Variants in PDS5B observed in about 807,000 individuals in gnomAD.
PDS5B encodes sister chromatid cohesion protein PDS5 homolog B.
Under a neutral mutation model 184.1 loss-of-function variants are expected in PDS5B, and 51 were observed. The ratio of observed to expected loss-of-function variants is 0.28; its 90% confidence interval spans 0.22 to 0.35. PDS5B has a LOEUF of 0.35. Among genes scored for constraint, PDS5B ranks in the 10% least tolerant of loss-of-function variants. PDS5B has a pLI of 1.00. For missense variants in PDS5B, 1,180 were observed against 1,723.3 expected (o/e 0.68, Z 5.58); for synonymous variants, 566 against 569.2 (o/e 0.99, Z 0.08).
chr13:32,648,779 C>G lies in PDS5B; in HGVS notation c.7C>G (p.His3Asp). The change falls in exon 2 of 35, where the codon CAT becomes GAT. Residue 3 changes from histidine to aspartate, a missense_variant. Transcript: ENST00000315596. Reference protein sequence around the residue: MAHSKTRTNDGKI... With the variant: MADSKTRTNDGKI... ...GGGTAGAAATATTTCTGTCATGGCTCATTCAAAGACTAGGACCAATGATGG... is the reference window on the plus strand; with the variant it reads ...GGGTAGAAATATTTCTGTCATGGCTGATTCAAAGACTAGGACCAATGATGG... 1 of 1,445,716 alleles carries G rather than the reference C, an allele frequency of 6.9e-7. No homozygotes were observed. Among genetic ancestry groups the G allele is most frequent in the South Asian group, 1.1e-5 (1 of 87,466 alleles). 89.6% of individuals were successfully genotyped at this position (1,445,716 alleles called of 1,614,324 possible). A position where few individuals can be genotyped will look rare whatever the true frequency, so the allele number is the denominator to read the frequency against.
chr13:32,617,311 T>C (rs2058234082), intron 1 of PDS5B, among the ~76,000 whole-genome samples: 1 of 152,226 alleles, frequency 6.6e-6, no homozygotes, highest in Non-Finnish European at 1.5e-5. Context: ...TAAATTTTAT[T>C]GTAGTTACAT....
intron 11 of PDS5B, among the ~76,000 whole-genome samples, chr13:32,685,229 A>C (rs571144601): frequency 2.6e-5 from 4 of 152,336 alleles, no homozygotes; most frequent in Non-Finnish European, 5.9e-5. Flanking sequence ...TTCCCTTCAA[A>C]TCTATAGGTA....
intron 18 of PDS5B, among the ~76,000 whole-genome samples, chr13:32,707,371 TTC>T (rs1952058875): frequency 6.6e-6 from 1 of 152,048 alleles, no homozygotes. Context: ...TCATAAAATA[TTC>T]TGTCTTTTAC....
chr13:32,742,853 AT>A, intron 23 of PDS5B, 126 bp downstream of exon 23: 1 of 823,282 alleles, frequency 1.2e-6, no homozygotes, highest in Non-Finnish European at 1.9e-6. Flanking sequence ...ATGTGCATAT[AT>A]TTTTACTGGA....
chr13:32,646,507 T>TA (rs1448827051), intron 1 of PDS5B, among the ~76,000 whole-genome samples: 1 of 151,876 alleles, frequency 6.6e-6, no homozygotes, highest in Non-Finnish European at 1.5e-5. Context: ...TTATATGTCT[T>TA]ACGGTGGACA....
intron 1 of PDS5B, among the ~76,000 whole-genome samples, chr13:32,610,562 G>C (rs1336658211): frequency 2.6e-5 from 4 of 151,540 alleles, no homozygotes; most frequent in Non-Finnish European, 5.9e-5. Flanking sequence ...GGATAGAGTT[G>C]CTTAAAAGTT....
Position 32,740,748 on chromosome 13 carries a change from A to T in PDS5B, c.2407-332A>T, listed in dbSNP as rs183358619. Among the ~76,000 whole-genome samples the T allele has an allele frequency of 8.3e-3, 1,257 of 151,796 alleles. 18 individuals carry two copies. The highest frequency in any genetic ancestry group is 0.029 in the African/African-American group (1,186 of 41,336). ...ACACCTTTTGGCTCCATGTTTTTTT[A>T]AAATCCTAGTTCTTGCATTAAATAA... On this transcript the variant is annotated intron_variant, in intron 21 of 34. Coordinates refer to ENST00000315596, the MANE Select transcript of PDS5B (RefSeq NM_015032.4).
At chr13:32,593,246 C>T (rs113934715) in intron 1 of PDS5B, among the ~76,000 whole-genome samples, 44 of 152,146 alleles carry the variant, frequency 2.9e-4, no homozygotes, top group African/African-American at 9.2e-4. Flanking sequence ...TACAGCTGAC[C>T]CTTGAACAGC....
chr13:32,587,765 A>G (rs1234408927), intron 1 of PDS5B, among the ~76,000 whole-genome samples: 1 of 152,230 alleles, frequency 6.6e-6, no homozygotes, highest in Non-Finnish European at 1.5e-5. Flanking sequence ...TGCTTCTCGT[A>G]CTTTTAATAA....
At chr13:32,617,292 G>A (rs2058233938) in intron 1 of PDS5B, among the ~76,000 whole-genome samples, 1 of 152,178 alleles carries the variant, frequency 6.6e-6, no homozygotes, top group Non-Finnish European at 1.5e-5. Flanking sequence ...TTGCTTGTTA[G>A]TACTTCCCTA....
intron 3 of PDS5B, among the ~76,000 whole-genome samples, chr13:32,655,368 A>ATTTTTTTT (rs368287046): frequency 7.4e-5 from 2 of 27,192 alleles, no homozygotes; most frequent in African/African-American, 3.3e-4. Context: ...CCATATATAT[A>ATTTTTTTT]TATATATTTT....
chr13:32,747,682 A>G (rs974923058), intron 24 of PDS5B, among the ~76,000 whole-genome samples: 1 of 152,154 alleles, frequency 6.6e-6, no homozygotes, highest in African/African-American at 2.4e-5. Context: ...GAAACTGAAA[A>G]TTGTTTAAAA....
chr13:32,678,994 A>G, intron 10 of PDS5B, 65 bp downstream of exon 10: 1 of 858,262 alleles, frequency 1.2e-6, no homozygotes, highest in South Asian at 1.6e-5. Context: ...TAAGTTTCAT[A>G]GGGGGAAAAA....
intron 1 of PDS5B, among the ~76,000 whole-genome samples, chr13:32,610,808 T>G (rs1172261140): frequency 1.3e-5 from 2 of 152,160 alleles, no homozygotes; most frequent in Non-Finnish European, 2.9e-5. Context: ...CTCAGAGTTC[T>G]TGGTGAGGAT....
intron 1 of PDS5B, among the ~76,000 whole-genome samples, chr13:32,613,368 C>T (rs747313231): frequency 3.0e-4 from 46 of 152,268 alleles, no homozygotes; most frequent in Middle Eastern, 3.4e-3. Context: ...AGTGCATGAG[C>T]GTTTCAGTTT....
At chr13:32,632,699 GT>G (rs1566264727) in intron 1 of PDS5B, among the ~76,000 whole-genome samples, 1 of 152,236 alleles carries the variant, frequency 6.6e-6, no homozygotes, top group Non-Finnish European at 1.5e-5. Flanking sequence ...GTACAGCAGT[GT>G]TTATTGCAGC....
intron 1 of PDS5B, among the ~76,000 whole-genome samples, chr13:32,638,973 G>C (rs2058612207): frequency 6.6e-6 from 1 of 152,004 alleles, no homozygotes; most frequent in Non-Finnish European, 1.5e-5. Context: ...GTGGGGCGGG[G>C]GCGGCGTTGT....
chr13:32,698,647 A>G (rs976701488), intron 15 of PDS5B, among the ~76,000 whole-genome samples: 2 of 152,216 alleles, frequency 1.3e-5, no homozygotes, highest in Non-Finnish European at 1.5e-5. Flanking sequence ...TCACCAAGAC[A>G]TAAAATGGGA....
Position 32,758,652 on chromosome 13 carries a change from A to G in PDS5B, c.3308A>G (p.Lys1103Arg). ...LPARFFTQPD[K>R]NFSNTKNYLP... ...GCTCGTTTCTTCACTCAACCTGACA[A>G]GGTAGTTACTTTACAATTTGTTTGT... Residue 1103 changes from lysine to arginine, a missense_variant and splice_region_variant, in exon 28 of 35, where the codon AAG (lysine) becomes AGG (arginine). By Grantham distance (26) the Lys-to-Arg change is conservative (BLOSUM62 2). This residue lies in a region of PDS5B where 465 missense variants were observed against 497.8 expected (regional missense o/e 0.93). Coordinates refer to ENST00000315596, the MANE Select transcript of PDS5B (RefSeq NM_015032.4). 6.2e-7 allele frequency: 1 copy of G among 1,613,194 alleles called. No homozygotes were observed. The highest frequency in any genetic ancestry group is 8.5e-7 in the Non-Finnish European group (1 of 1,179,524).
Sources: allele counts gnomAD v4.1 joint callset (sites outside exome capture counted in the v4.1 genomes callset), GRCh38; gene constraint gnomAD v4.1.1; regional missense constraint gnomAD v4.1.1; transcripts MANE v1.5; gene names NCBI Gene and HGNC (gene_info 2026-07-23, HGNC 2026-07-21).